ACACA: variants seen among roughly 807,000 people sequenced by gnomAD.
ACACA encodes acetyl-CoA carboxylase 1.
Under a neutral mutation model 296.1 loss-of-function variants are expected in ACACA, and 103 were observed. The ratio of observed to expected loss-of-function variants is 0.35; its 90% CI spans 0.30 to 0.41. ACACA has a LOEUF of 0.41. Ranked by LOEUF, ACACA falls within the 10% of genes least tolerant of loss-of-function variation. The pLI is 1.00. For synonymous variants in ACACA, 953 were observed against 1,038.6 expected (o/e 0.92, Z 1.58); for missense variants, 1,554 against 2,989.7 (o/e 0.52, Z 11.20).
At chr17:37,358,507 G>C (rs1568048982) in intron 1 of ACACA, among the ~76,000 whole-genome samples, 1 of 152,226 alleles carries the variant, frequency 6.6e-6, no homozygotes, top group African/African-American at 2.4e-5. Context: ...CACGGAGAGA[G>C]CAAGTGAGGT....
At chr17:37,174,020 A>ATATATATATATATATATATAT (rs552735515) in intron 41 of ACACA, among the ~76,000 whole-genome samples, 1 of 16,790 alleles carries the variant, frequency 6.0e-5, no homozygotes, top group Non-Finnish European at 9.9e-5. Flanking sequence ...ATATATATAT[A>ATATATATATATATATATATAT]TTTTTTTTTT....
At chr17:37,171,538 A>G (rs183381545) in intron 41 of ACACA, among the ~76,000 whole-genome samples, 1 of 152,346 alleles carries the variant, frequency 6.6e-6, no homozygotes, top group East Asian at 1.9e-4. Context: ...ATGGAAAGGC[A>G]TTGACATATT....
At chr17:37,282,629 T>TA (rs1453176185) in intron 5 of ACACA, among the ~76,000 whole-genome samples, 3 of 151,666 alleles carry the variant, frequency 2.0e-5, no homozygotes, top group Admixed American at 6.6e-5. Context: ...GAGTAAAAGA[T>TA]AAAAAAAAGT....
chr17:37,200,222 A>C, intron 34 of ACACA, 39 bp from the exon 35 acceptor site: 1 of 1,555,216 alleles, frequency 6.4e-7, no homozygotes, highest in Non-Finnish European at 8.9e-7. Flanking sequence ...AAGACAGCAG[A>C]AGTTGGCAAT....
intron 1 of ACACA, among the ~76,000 whole-genome samples, chr17:37,381,486 A>G (rs1019189898): frequency 1.3e-5 from 2 of 151,886 alleles, no homozygotes; most frequent in Non-Finnish European, 2.9e-5. Context: ...GCGCCTGGCC[A>G]ATCCCTTGCT....
intron 3 of ACACA, among the ~76,000 whole-genome samples, chr17:37,314,611 G>A (rs1393751853): frequency 5.3e-5 from 8 of 151,256 alleles, no homozygotes; most frequent in South Asian, 2.1e-4. Flanking sequence ...TAATAAATCC[G>A]GGATAGGACT....
intron 1 of ACACA, among the ~76,000 whole-genome samples, chr17:37,399,108 T>C (rs1287783911): frequency 1.3e-5 from 2 of 151,200 alleles, no homozygotes; most frequent in Non-Finnish European, 2.9e-5. Flanking sequence ...GCCTCCCAAG[T>C]AGTTGGGATT....
chr17:37,283,142 A>G (rs2146587694), intron 5 of ACACA, 125 bp downstream of exon 5: 1 of 1,174,774 alleles, frequency 8.5e-7, no homozygotes, highest in Middle Eastern at 2.7e-4. Flanking sequence ...AAATTATTTT[A>G]AAAGGATTTT....
intron 52 of ACACA, among the ~76,000 whole-genome samples, chr17:37,099,445 G>GGCTGATGGCGGGAGT (rs2073188014): frequency 6.6e-6 from 1 of 151,806 alleles, no homozygotes; most frequent in Non-Finnish European, 1.5e-5. Context: ...CTGCCTGGAG[G>GGCTGATGGCGGGAGT]GCTGATGGCG....
intron 1 of ACACA, among the ~76,000 whole-genome samples, chr17:37,396,641 A>C (rs2051090969): frequency 6.6e-6 from 1 of 152,156 alleles, no homozygotes; most frequent in South Asian, 2.1e-4. Flanking sequence ...GACCTAGAGC[A>C]CTTTTCCTAT....
intron 3 of ACACA, among the ~76,000 whole-genome samples, chr17:37,315,835 T>C (rs1017264716): frequency 6.6e-6 from 1 of 152,008 alleles, no homozygotes; most frequent in African/African-American, 2.4e-5. Context: ...TTTATGGAGG[T>C]TTCATTAAGT....
At chr17:37,340,179 T>C (rs1477391484) in intron 1 of ACACA, among the ~76,000 whole-genome samples, 1 of 152,188 alleles carries the variant, frequency 6.6e-6, no homozygotes, top group Non-Finnish European at 1.5e-5. Context: ...AAAGAGGCAG[T>C]GGGGAGAAGA....
At chr17:37,114,383 A>G (rs752437888) in intron 50 of ACACA, among the ~76,000 whole-genome samples, 1 of 151,866 alleles carries the variant, frequency 6.6e-6, no homozygotes, top group Non-Finnish European at 1.5e-5. Flanking sequence ...AACCAAAAAA[A>G]TTAGCAAAAC....
intron 52 of ACACA, among the ~76,000 whole-genome samples, chr17:37,099,455 GGGAGGGCTGAGGGAT>G (rs1412809968): frequency 6.9e-4 from 91 of 131,334 alleles, no homozygotes; most frequent in Non-Finnish European, 1.0e-4. Flanking sequence ...GGCTGATGGC[GGGAGGGCTGAGGGAT>G]GGAGGGCTGA....
chr17:37,346,301 A>T (rs2048613462), intron 1 of ACACA, among the ~76,000 whole-genome samples: 1 of 143,996 alleles, frequency 6.9e-6, no homozygotes, highest in Non-Finnish European at 1.5e-5. Flanking sequence ...TGACCAACAG[A>T]GCAAGACTCT....
Position 37,085,467 on chromosome 17 carries a change from A to G in ACACA, c.*1849T>C. On this transcript the variant is annotated 3_prime_UTR_variant, in exon 56 of 56. Coordinates refer to ENST00000616317, the MANE Select transcript of ACACA (RefSeq NM_198834.3). ...TTCATACCACTTGTAGATATGTGGG[A>G]TTTGATTTATTGCAAAAAAGCATAG... 2.5e-6 allele frequency: 1 copy of G among 397,346 alleles called. No individual in the cohort carries two copies. Among genetic ancestry groups the G allele is most frequent in the East Asian group, 3.6e-5 (1 of 28,076 alleles). 24.6% of individuals were successfully genotyped at this position (397,346 alleles called of 1,614,324 possible). A position where few individuals can be genotyped will look rare whatever the true frequency, so the allele number is the denominator to read the frequency against.
intron 6 of ACACA, 68 bp downstream of exon 6, chr17:37,277,828 G>A: frequency 1.6e-6 from 2 of 1,214,700 alleles, no homozygotes; most frequent in Non-Finnish European, 1.2e-6. Context: ...TTCTTCTCTA[G>A]ATATCCCCTT....
At chr17:37,299,805 C>T in intron 3 of ACACA, 1 of 992,362 alleles carries the variant, frequency 1.0e-6, no homozygotes, top group Non-Finnish European at 1.2e-6. Flanking sequence ...ACAAAAAGAC[C>T]AAATTTACAA....
chr17:37,261,077 G>A (rs777769236), intron 11 of ACACA, among the ~76,000 whole-genome samples: 1 of 152,030 alleles, frequency 6.6e-6, no homozygotes, highest in Non-Finnish European at 1.5e-5. Context: ...CTCCTTGTTG[G>A]GATAACACAA....
Sources: gnomAD v4.1 joint callset for allele counts (sites outside exome capture counted in the v4.1 genomes callset) on GRCh38, gnomAD v4.1.1 for gene constraint, MANE v1.5 for transcripts, NCBI Gene and HGNC (gene_info 2026-07-23, HGNC 2026-07-21) for gene names.